The following GRIK2 variants were observed in gnomAD, a reference collection of about 807,000 sequenced individuals.
GRIK2 encodes glutamate ionotropic receptor kainate type subunit 2.
GRIK2 carries 32 observed loss-of-function variants against 100.3 expected under a neutral mutation model. That is an observed-to-expected ratio of 0.32 (90% CI 0.24 to 0.43). The LOEUF (loss-of-function observed/expected upper bound fraction) is 0.43. Among genes scored for constraint, GRIK2 ranks in the 20% least tolerant of loss-of-function variants. The pLI, the probability that GRIK2 is intolerant of heterozygous loss-of-function variation, is 1.00. For synonymous variants in GRIK2, 417 were observed against 389.4 expected (o/e 1.07, Z -0.83); for missense variants, 843 against 1,114.9 (o/e 0.76, Z 3.47).
intron 4 of GRIK2, among the ~76,000 whole-genome samples, chr6:101,634,237 G>A (rs1170937063): frequency 6.6e-6 from 1 of 152,006 alleles, no homozygotes; most frequent in African/African-American, 2.4e-5. Flanking sequence ...GAGGACTTAG[G>A]AGATACAGAT....
chr6:101,859,216 A>T (rs952486359), intron 10 of GRIK2, 71 bp from the exon 11 acceptor site: 3 of 769,090 alleles, frequency 3.9e-6, no homozygotes, highest in Non-Finnish European at 6.6e-6. Context: ...GTCTTCTAAG[A>T]AAAGCAATAA....
At chr6:101,800,731 A>C (rs189676722) in intron 8 of GRIK2, among the ~76,000 whole-genome samples, 168 of 152,198 alleles carry the variant, frequency 1.1e-3, no homozygotes, top group African/African-American at 3.8e-3. Context: ...TAGTTGCCCC[A>C]TATTCTAACA....
At chr6:101,531,577 G>T (rs548041842) in intron 2 of GRIK2, among the ~76,000 whole-genome samples, 1 of 151,786 alleles carries the variant, frequency 6.6e-6, no homozygotes, top group South Asian at 2.1e-4. Flanking sequence ...AGGTATATAG[G>T]TTTATAACCT....
chr6:102,060,013 A>G (rs1268738219), intron 16 of GRIK2, among the ~76,000 whole-genome samples: 1 of 150,188 alleles, frequency 6.7e-6, no homozygotes, highest in African/African-American at 2.4e-5. Flanking sequence ...AAATATATAT[A>G]TATATAAATT....
At chr6:101,762,301 A>G (rs1378698099) in intron 7 of GRIK2, among the ~76,000 whole-genome samples, 1 of 151,950 alleles carries the variant, frequency 6.6e-6, no homozygotes, top group Non-Finnish European at 1.5e-5. Flanking sequence ...CAGCCTCCCA[A>G]GTAGCTGGGA....
intron 9 of GRIK2, among the ~76,000 whole-genome samples, chr6:101,805,637 C>G (rs1007837507): frequency 5.3e-5 from 8 of 151,952 alleles, no homozygotes; most frequent in Admixed American, 2.0e-4. Flanking sequence ...CTGTTTTATG[C>G]CCTCATGAAG....
chr6:101,775,785 A>T (rs1052393619), intron 7 of GRIK2, among the ~76,000 whole-genome samples: 103 of 151,714 alleles, frequency 6.8e-4, no homozygotes, highest in Non-Finnish European at 2.5e-4. Flanking sequence ...GTATATGGAA[A>T]TTATATATGT....
intron 2 of GRIK2, among the ~76,000 whole-genome samples, chr6:101,483,033 T>A (rs1028665060): frequency 2.0e-5 from 3 of 152,242 alleles, no homozygotes; most frequent in Non-Finnish European, 2.9e-5. Flanking sequence ...TTTTATATAT[T>A]AGCTGTGCAA....
intron 7 of GRIK2, among the ~76,000 whole-genome samples, chr6:101,719,157 T>G (rs1220889128): frequency 3.0e-5 from 1 of 33,700 alleles, no homozygotes; most frequent in Admixed American, 3.2e-4. Flanking sequence ...TTTTTTTTTT[T>G]TTTTTTTTTT....
chr6:101,690,749 A>G (rs1359060851), intron 7 of GRIK2, among the ~76,000 whole-genome samples: 1 of 151,960 alleles, frequency 6.6e-6, no homozygotes, highest in Non-Finnish European at 1.5e-5. Context: ...ATGTGTTGTC[A>G]CTCATCATGT....
intron 10 of GRIK2, among the ~76,000 whole-genome samples, chr6:101,821,807 T>G (rs948460186): frequency 5.3e-5 from 8 of 152,100 alleles, no homozygotes; most frequent in African/African-American, 1.9e-4. Context: ...AAATTATGAT[T>G]TTTTGATTGA....
chr6:101,807,163 A>G (rs1482165889), intron 9 of GRIK2, among the ~76,000 whole-genome samples: 2 of 151,944 alleles, frequency 1.3e-5, no homozygotes, highest in Non-Finnish European at 2.9e-5. Flanking sequence ...GCTTTGCTCT[A>G]TACCTCCAAC....
chr6:101,879,731 G>T (rs1395171081), intron 11 of GRIK2, among the ~76,000 whole-genome samples: 1 of 150,790 alleles, frequency 6.6e-6, no homozygotes, highest in Non-Finnish European at 1.5e-5. Flanking sequence ...GGAAGAAGCT[G>T]TATTAGCATG....
chr6:101,586,797 T>C (rs1221503863), intron 2 of GRIK2, among the ~76,000 whole-genome samples: 1 of 147,840 alleles, frequency 6.8e-6, no homozygotes, highest in South Asian at 2.1e-4. Flanking sequence ...GGCTGAGGCA[T>C]GAGAATTGCT....
intron 7 of GRIK2, among the ~76,000 whole-genome samples, chr6:101,704,087 A>T (rs1042461653): frequency 1.3e-5 from 2 of 151,744 alleles, no homozygotes; most frequent in Non-Finnish European, 2.9e-5. Context: ...TTCTGGGTTT[A>T]TGGCCCACTT....
At chr6:101,566,539 G>T (rs529150250) in intron 2 of GRIK2, among the ~76,000 whole-genome samples, 2 of 151,558 alleles carry the variant, frequency 1.3e-5, no homozygotes, top group African/African-American at 2.4e-5. Context: ...TGAATTTCAA[G>T]AAATTAGAAT....
chr6:101,659,391 C>T (rs1192759743), intron 4 of GRIK2, among the ~76,000 whole-genome samples: 1 of 152,126 alleles, frequency 6.6e-6, no homozygotes, highest in Non-Finnish European at 1.5e-5. Context: ...GGTACCAGTA[C>T]CGTGCTCTTT....
At chr6:101,600,600 T>C (rs182285833) in intron 2 of GRIK2, among the ~76,000 whole-genome samples, 3 of 152,002 alleles carry the variant, frequency 2.0e-5, no homozygotes, top group Admixed American at 6.6e-5. Flanking sequence ...GTAGTTCTTC[T>C]TGTAGAGAAC....
intron 2 of GRIK2, among the ~76,000 whole-genome samples, chr6:101,437,210 A>C (rs766075638): frequency 1.6e-4 from 25 of 152,076 alleles, no homozygotes; most frequent in Non-Finnish European, 3.2e-4. Context: ...TTCTATACTG[A>C]GAAAAATCCT....
Sources: allele counts gnomAD v4.1 joint callset (sites outside exome capture counted in the v4.1 genomes callset), GRCh38; gene constraint gnomAD v4.1.1; transcripts MANE v1.5; gene names NCBI Gene and HGNC (gene_info 2026-07-23, HGNC 2026-07-21).